Variants in ZBTB46 observed in about 807,000 individuals in gnomAD.
ZBTB46 encodes zinc finger and BTB domain-containing protein 46.
ZBTB46 carries 8 observed loss-of-function variants against 44.1 expected under a neutral mutation model. The ratio of observed to expected loss-of-function variants is 0.18; its 90% CI spans 0.11 to 0.33. The LOEUF (loss-of-function observed/expected upper bound fraction) is 0.33. Among genes scored for constraint, ZBTB46 ranks in the 10% least tolerant of loss-of-function variants. The pLI is 1.00. For missense variants in ZBTB46, 651 were observed against 847.7 expected (o/e 0.77, Z 2.88); for synonymous variants, 409 against 382.3 (o/e 1.07, Z -0.81).
At chr20:63,751,962 C>T (rs1349977862) in intron 4 of ZBTB46, among the ~76,000 whole-genome samples, 1 of 152,158 alleles carries the variant, frequency 6.6e-6, no homozygotes, top group Admixed American at 6.5e-5. Flanking sequence ...GCCTCTTCCG[C>T]CCCGACAGCA....
intron 4 of ZBTB46, among the ~76,000 whole-genome samples, chr20:63,751,932 A>G (rs2092171432): frequency 6.6e-6 from 1 of 151,738 alleles, no homozygotes; most frequent in Admixed American, 6.6e-5. Context: ...CGATTCCTAA[A>G]CTGGCAGCGA....
chr20:63,789,151 A>G (rs2145921962), intron 2 of ZBTB46, among the ~76,000 whole-genome samples: 1 of 151,854 alleles, frequency 6.6e-6, no homozygotes, highest in East Asian at 1.9e-4. Flanking sequence ...AAAAGAGAAA[A>G]GAGAGGAAAC....
intron 1 of ZBTB46, among the ~76,000 whole-genome samples, chr20:63,820,209 T>C (rs1276552098): frequency 6.6e-6 from 1 of 151,926 alleles, no homozygotes; most frequent in Non-Finnish European, 1.5e-5. Flanking sequence ...TTCTCCCACC[T>C]CAGCCTCCTG....
chr20:63,833,208 T>C (rs2092860534), upstream of ZBTB46, among the ~76,000 whole-genome samples: 1 of 152,106 alleles, frequency 6.6e-6, no homozygotes, highest in African/African-American at 2.4e-5. Flanking sequence ...CAGTCATCGC[T>C]TAGGAGGCCT....
intron 4 of ZBTB46, among the ~76,000 whole-genome samples, chr20:63,748,083 C>T (rs919415894): frequency 2.1e-5 from 3 of 144,986 alleles, no homozygotes; most frequent in East Asian, 3.0e-4. Flanking sequence ...AGTCCCTGAC[C>T]CCTCAGCCCG....
chr20:63,829,688 CTG>C (rs2092837696), intron 1 of ZBTB46, among the ~76,000 whole-genome samples: 2 of 152,240 alleles, frequency 1.3e-5, no homozygotes, highest in African/African-American at 4.8e-5. Flanking sequence ...AGGTTCTACT[CTG>C]ATAAATACTG....
intron 1 of ZBTB46, among the ~76,000 whole-genome samples, chr20:63,828,859 C>A (rs150056833): frequency 2.0e-5 from 3 of 152,364 alleles, no homozygotes; most frequent in Admixed American, 6.5e-5. Context: ...GTCTCCAGGG[C>A]TCTGAGAGGC....
At chr20:63,788,643 A>G (rs959332559) in intron 2 of ZBTB46, among the ~76,000 whole-genome samples, 10 of 151,982 alleles carry the variant, frequency 6.6e-5, no homozygotes, top group African/African-American at 2.4e-4. Context: ...GTTCGAGACC[A>G]TCCTGGCCAA....
intron 1 of ZBTB46, among the ~76,000 whole-genome samples, chr20:63,830,283 G>C (rs2092841468): frequency 1.3e-5 from 2 of 152,136 alleles, no homozygotes; most frequent in Admixed American, 6.5e-5. Flanking sequence ...GTTTGCCTTA[G>C]GGATTGAGTT....
At chr20:63,829,209 G>A (rs2146113663) in intron 1 of ZBTB46, among the ~76,000 whole-genome samples, 1 of 152,308 alleles carries the variant, frequency 6.6e-6, no homozygotes, top group East Asian at 1.9e-4. Context: ...ACTGACCTGG[G>A]GGCCCTTAGG....
intron 1 of ZBTB46, among the ~76,000 whole-genome samples, chr20:63,827,024 C>G (rs112934991): frequency 6.6e-6 from 1 of 152,106 alleles, no homozygotes; most frequent in Non-Finnish European, 1.5e-5. Context: ...TCCCTTCCCT[C>G]GAGTCACCTT....
At chr20:63,813,484 A>C (rs2146040988) in intron 1 of ZBTB46, among the ~76,000 whole-genome samples, 1 of 152,230 alleles carries the variant, frequency 6.6e-6, no homozygotes, top group East Asian at 1.9e-4. Context: ...AAATACATTA[A>C]GTTGGAAATT....
rs777435381 is a variant in ZBTB46 at position 63,747,305 on chromosome 20, C to T, written c.1399-4G>A. 8.7e-6 allele frequency: 11 copies of T among 1,267,290 alleles called. No individual in the cohort carries two copies. The Admixed American group carries it at 1.6e-4, about 18-fold the overall frequency. 78.5% of individuals were successfully genotyped at this position (1,267,290 alleles called of 1,614,324 possible). A position where few individuals can be genotyped will look rare whatever the true frequency, so the allele number is the denominator to read the frequency against. ...ACTTCTTGTCCTTGCTGTGGACCTGCAGAGGCAGGGCAGGGGGTGAGCAGG... is the reference window on the plus strand; with the variant it reads ...ACTTCTTGTCCTTGCTGTGGACCTGTAGAGGCAGGGCAGGGGGTGAGCAGG... On this transcript the variant is annotated splice_region_variant and splice_polypyrimidine_tract_variant and intron_variant, in intron 4 of 4. Coordinates refer to ENST00000245663, the MANE Select transcript of ZBTB46 (RefSeq NM_001369741.1).
At chr20:63,828,309 G>A (rs893611276) in intron 1 of ZBTB46, among the ~76,000 whole-genome samples, 3 of 152,232 alleles carry the variant, frequency 2.0e-5, no homozygotes, top group South Asian at 2.1e-4. Flanking sequence ...CAGCTACGCC[G>A]CAGCCGCGGC....
Position 63,816,102 on chromosome 20 carries a change from C to T in ZBTB46, c.-34+14995G>A, listed in dbSNP as rs201769631. Among the ~76,000 whole-genome samples the T allele has an allele frequency of 9.0e-4, 108 of 120,338 alleles. 1 individual carries two copies. The highest frequency in any genetic ancestry group is 3.4e-3 in the African/African-American group (103 of 30,316). The allele number at this position is 120,338 out of a possible 152,430, so 78.9% of individuals were successfully genotyped here. ...CACAGGTGGGCACAGGTGCAGTGGG[C>T]GCAGGTGCAGTGGGCGCAGGTGGGC... On this transcript the variant is annotated intron_variant, in intron 1 of 4. Coordinates refer to ENST00000245663, the MANE Select transcript of ZBTB46 (RefSeq NM_001369741.1).
chr20:63,751,552 G>A (rs2092162441), intron 4 of ZBTB46, among the ~76,000 whole-genome samples: 1 of 152,066 alleles, frequency 6.6e-6, no homozygotes, highest in Non-Finnish European at 1.5e-5. Flanking sequence ...TACCCCAAAT[G>A]GGTATCCACC....
At chr20:63,785,000 G>A (rs567398532) in intron 2 of ZBTB46, among the ~76,000 whole-genome samples, 137 of 152,122 alleles carry the variant, frequency 9.0e-4, no homozygotes, top group South Asian at 3.7e-3. Flanking sequence ...TTGGGAGGCC[G>A]AGGCAGGCGG....
At chr20:63,747,715 G>A (rs1252489993) in intron 4 of ZBTB46, among the ~76,000 whole-genome samples, 1 of 152,110 alleles carries the variant, frequency 6.6e-6, no homozygotes, top group Non-Finnish European at 1.5e-5. Flanking sequence ...GTGGCACCAA[G>A]GCAGCCCTGT....
At chr20:63,753,268 C>T (rs1019234371) in intron 3 of ZBTB46, among the ~76,000 whole-genome samples, 3 of 152,150 alleles carry the variant, frequency 2.0e-5, no homozygotes, top group African/African-American at 7.2e-5. Flanking sequence ...GATCAGACGC[C>T]TCCCTGGAGG....
Sources: gnomAD v4.1 joint callset for allele counts (sites outside exome capture counted in the v4.1 genomes callset) on GRCh38, gnomAD v4.1.1 for gene constraint, MANE v1.5 for transcripts, NCBI Gene and HGNC (gene_info 2026-07-23, HGNC 2026-07-21) for gene names.